NKAIN1: variants seen among roughly 807,000 people sequenced by gnomAD.
NKAIN1 encodes the protein sodium/potassium-transporting ATPase subunit beta-1-interacting protein 1.
NKAIN1 carries 13 observed loss-of-function variants against 31.6 expected under a neutral mutation model. That is an observed-to-expected ratio of 0.41 (90% CI 0.27 to 0.65). NKAIN1 has a LOEUF of 0.65. Ranked by LOEUF, NKAIN1 falls within the 30% of genes least tolerant of loss-of-function variation. The pLI is 0.30. For synonymous variants in NKAIN1, 104 were observed against 109.0 expected, an observed-to-expected ratio of 0.95 and a Z score of 0.28; for missense variants, 193 against 262.2, an observed-to-expected ratio of 0.74 and a Z score of 1.82.
intron 1 of NKAIN1, among the ~76,000 whole-genome samples, chr1:31,205,045 A>G (rs1000064271): frequency 2.6e-5 from 4 of 152,156 alleles, no homozygotes; most frequent in African/African-American, 7.2e-5. Flanking sequence ...GAACAATAAT[A>G]TCTACTTCCT....
At chr1:31,213,581 A>T (rs560102823) in intron 1 of NKAIN1, among the ~76,000 whole-genome samples, 1 of 152,354 alleles carries the variant, frequency 6.6e-6, no homozygotes, top group African/African-American at 2.4e-5. Flanking sequence ...AGGTATATAC[A>T]CCTGAGAAGT....
Position 31,181,717 on chromosome 1 carries a change from G to A in NKAIN1, c.615-5C>T. 6.7e-7 allele frequency: 1 copy of A among 1,490,820 alleles called. No individual in the cohort carries two copies. The highest frequency in any genetic ancestry group is 9.0e-7 in the Non-Finnish European group (1 of 1,114,186). 92.3% of individuals were successfully genotyped at this position (1,490,820 alleles called of 1,614,324 possible). A position where few individuals can be genotyped will look rare whatever the true frequency, so the allele number is the denominator to read the frequency against. ...CGGGGCAGAGGCTACCCCGACCTGC[G>A]GGAAACAAAGGCAGGTTAGGGAGAG... is the stretch of plus-strand genomic sequence containing the variant. On this transcript the variant is annotated splice_region_variant and splice_polypyrimidine_tract_variant and intron_variant, in intron 6 of 6. Coordinates refer to ENST00000373736, the MANE Select transcript of NKAIN1 (RefSeq NM_024522.3).
At chr1:31,215,582 T>G (rs1030808950) in intron 1 of NKAIN1, among the ~76,000 whole-genome samples, 1 of 152,144 alleles carries the variant, frequency 6.6e-6, no homozygotes, top group Admixed American at 6.5e-5. Context: ...AGCACAGGCC[T>G]CCTGCTCTGA....
intron 1 of NKAIN1, among the ~76,000 whole-genome samples, chr1:31,200,879 G>A (rs1029988512): frequency 6.6e-6 from 1 of 151,692 alleles, no homozygotes; most frequent in Non-Finnish European, 1.5e-5. Flanking sequence ...TGTCGCCCAG[G>A]CTGGAGCGCA....
At chr1:31,194,996 C>A (rs1032715020) in intron 1 of NKAIN1, among the ~76,000 whole-genome samples, 3 of 151,342 alleles carry the variant, frequency 2.0e-5, no homozygotes, top group Non-Finnish European at 4.4e-5. Context: ...TTGTCTCGAA[C>A]TCCTGACCTC....
rs1309581960 is a variant in NKAIN1, at chr1:31,180,504, G to A, written c.*1199C>T. ...ACTCCTTCTGGGCTTGTTAGAGGAG[G>A]CTTCTGGCCATTGGATTGGTTGTAA... On this transcript the variant is annotated 3_prime_UTR_variant, in exon 7 of 7. Coordinates refer to ENST00000373736, the MANE Select transcript of NKAIN1 (RefSeq NM_024522.3). 3 of 152,324 alleles carry A rather than the reference G, an allele frequency of 2.0e-5. No individual in the cohort carries two copies. Among genetic ancestry groups the A allele is most frequent in the Admixed American group, 6.5e-5 (1 of 15,268 alleles). The allele number at this position is 152,324 out of a possible 1,614,324, so 9.4% of individuals were successfully genotyped here. A position where few individuals can be genotyped will look rare whatever the true frequency, so the allele number is the denominator to read the frequency against.
At chr1:31,209,784 T>C (rs539761006) in intron 1 of NKAIN1, among the ~76,000 whole-genome samples, 1 of 151,590 alleles carries the variant, frequency 6.6e-6, no homozygotes, top group Admixed American at 6.6e-5. Flanking sequence ...ATCACTCCCC[T>C]CCAGTCTGGG....
chr1:31,192,662 T>C (rs546900423), intron 1 of NKAIN1, among the ~76,000 whole-genome samples: 1 of 152,196 alleles, frequency 6.6e-6, no homozygotes, highest in South Asian at 2.1e-4. Context: ...GCCATTCTCC[T>C]GCCTCAGCCT....
chr1:31,185,565 T>A (rs1437342713), intron 2 of NKAIN1, among the ~76,000 whole-genome samples: 2 of 152,104 alleles, frequency 1.3e-5, no homozygotes, highest in African/African-American at 4.8e-5. Flanking sequence ...AAAGGAAGTT[T>A]AAGGTTTCTA....
intron 1 of NKAIN1, among the ~76,000 whole-genome samples, chr1:31,236,896 G>A (rs1316595641): frequency 6.6e-6 from 1 of 152,136 alleles, no homozygotes; most frequent in Non-Finnish European, 1.5e-5. Context: ...ACTTACCAGG[G>A]CCAGAACTAC....
intron 1 of NKAIN1, among the ~76,000 whole-genome samples, chr1:31,200,031 A>G (rs925518464): frequency 2.6e-5 from 4 of 151,534 alleles, no homozygotes; most frequent in African/African-American, 9.7e-5. Flanking sequence ...ACACGCACAC[A>G]CACACACATG....
At chr1:31,226,461 T>C (rs915242587) in intron 1 of NKAIN1, among the ~76,000 whole-genome samples, 2 of 151,462 alleles carry the variant, frequency 1.3e-5, no homozygotes, top group South Asian at 4.2e-4. Flanking sequence ...GACTCCTCGG[T>C]GGCTGGGGCC....
chr1:31,212,415 TTTTTTA>T (rs199986665), intron 1 of NKAIN1, among the ~76,000 whole-genome samples: 5 of 92,616 alleles, frequency 5.4e-5, no homozygotes, highest in Non-Finnish European at 1.5e-4. Context: ...TTTTTTTTTT[TTTTTTA>T]GGAGACAAGG....
At chr1:31,197,347 G>A (rs1645336773) in intron 1 of NKAIN1, among the ~76,000 whole-genome samples, 1 of 151,290 alleles carries the variant, frequency 6.6e-6, no homozygotes, top group Non-Finnish European at 1.5e-5. Context: ...TTCTGACCTC[G>A]TGATCCGCCC....
intron 1 of NKAIN1, among the ~76,000 whole-genome samples, chr1:31,226,251 C>T (rs1051342727): frequency 3.9e-5 from 6 of 152,114 alleles, no homozygotes; most frequent in Non-Finnish European, 5.9e-5. Flanking sequence ...CATCTGTGTC[C>T]CCAGGGGCTG....
chr1:31,189,404 C>T (rs926693314), intron 1 of NKAIN1, among the ~76,000 whole-genome samples: 24 of 152,332 alleles, frequency 1.6e-4, no homozygotes, highest in African/African-American at 5.8e-4. Flanking sequence ...GCAACATCCA[C>T]CTGCCAGGTT....
At chr1:31,231,065 G>T (rs1645644343) in intron 1 of NKAIN1, among the ~76,000 whole-genome samples, 1 of 151,466 alleles carries the variant, frequency 6.6e-6, no homozygotes, top group African/African-American at 2.4e-5. Flanking sequence ...TGTATTTTTA[G>T]TACAAATGGG....
At chr1:31,210,381 T>C (rs886715066) in intron 1 of NKAIN1, among the ~76,000 whole-genome samples, 3 of 151,626 alleles carry the variant, frequency 2.0e-5, no homozygotes, top group Admixed American at 6.6e-5. Flanking sequence ...CTCCGTCTCC[T>C]GGGTTCAGGC....
chr1:31,186,343 C>G (rs1239763715), intron 2 of NKAIN1, among the ~76,000 whole-genome samples: 1 of 114,650 alleles, frequency 8.7e-6, no homozygotes, highest in Non-Finnish European at 1.7e-5. Flanking sequence ...GCCTGGGCAA[C>G]AAGAGCGAAA....
Sources: allele counts gnomAD v4.1 joint callset (sites outside exome capture counted in the v4.1 genomes callset), GRCh38; gene constraint gnomAD v4.1.1; transcripts MANE v1.5; gene names NCBI Gene and HGNC (gene_info 2026-07-23, HGNC 2026-07-21).